CBLB: variants seen among roughly 807,000 people sequenced by gnomAD.
CBLB encodes Cbl proto-oncogene B, also known as E3 ubiquitin-protein ligase CBL-B.
A neutral mutation model predicts 104.9 loss-of-function variants in CBLB; 31 were observed. The ratio of observed to expected loss-of-function variants is 0.30; its 90% CI spans 0.22 to 0.40. CBLB has a LOEUF of 0.40. Ranked by LOEUF, CBLB falls within the 10% of genes least tolerant of loss-of-function variation. CBLB has a pLI of 1.00. For missense variants in CBLB, 1,062 were observed against 1,214.6 expected (o/e 0.87, Z 1.87); for synonymous variants, 440 against 422.6 (o/e 1.04, Z -0.51).
chr3:105,868,640 C>A, intron 1 of CBLB, 96 bp downstream of exon 1: 1 of 807,214 alleles, frequency 1.2e-6, no homozygotes, highest in South Asian at 5.7e-5. Flanking sequence ...AGAGCCAGGG[C>A]TGTCCCCTCT....
Position 105,702,311 on chromosome 3 carries a change from A to T in CBLB, c.1742T>A (p.Val581Glu). 6.2e-7 allele frequency: 1 copy of T among 1,613,790 alleles called. No homozygotes were observed. The highest frequency in any genetic ancestry group is 1.1e-5 in the South Asian group (1 of 91,048). The change falls in exon 12 of 19, where the codon GTG (valine) becomes GAG (glutamate). Residue 581 changes from valine (V) to glutamate (E), a missense_variant. Transcript: ENST00000394030. ...AGGCATTGGCGGGTCTCTGGAAGGC[A>T]CGCTTTCCACATGATGGATGTGTCT... The part of the protein sequence containing the change: ...LSRHIHHVES[V>E]PSRDPPMPLE...
intron 17 of CBLB, among the ~76,000 whole-genome samples, chr3:105,675,975 CA>C (rs1327203898): frequency 8.4e-6 from 1 of 118,510 alleles, no homozygotes; most frequent in Non-Finnish European, 1.8e-5. Flanking sequence ...GAAAAGGAAA[CA>C]AAAAAGTTGC....
chr3:105,812,896 G>A (rs1014886288), intron 3 of CBLB, among the ~76,000 whole-genome samples: 6 of 151,932 alleles, frequency 3.9e-5, no homozygotes, highest in African/African-American at 7.3e-5. Flanking sequence ...ATCTTAGGCC[G>A]TTACTTAAAC....
chr3:105,782,542 G>C (rs1195006633), intron 3 of CBLB, among the ~76,000 whole-genome samples: 4 of 151,176 alleles, frequency 2.6e-5, no homozygotes, highest in African/African-American at 9.7e-5. Flanking sequence ...GTAACTTTGG[G>C]CATTCTTTGA....
chr3:105,800,569 C>T (rs2153015208), intron 3 of CBLB, among the ~76,000 whole-genome samples: 1 of 152,246 alleles, frequency 6.6e-6, no homozygotes, highest in Non-Finnish European at 1.5e-5. Flanking sequence ...TTTGACAGAA[C>T]AACTAGCCTT....
intron 10 of CBLB, among the ~76,000 whole-genome samples, chr3:105,708,621 T>C (rs1412595231): frequency 3.3e-5 from 5 of 152,030 alleles, no homozygotes; most frequent in Non-Finnish European, 5.9e-5. Context: ...TATTTAAATT[T>C]CCTATATTCA....
chr3:105,724,003 C>T (rs2152835129), intron 9 of CBLB: 1 of 161,166 alleles, frequency 6.2e-6, no homozygotes, highest in African/African-American at 2.4e-5. Context: ...TTTCCTTTAT[C>T]AATAACTTCT....
intron 12 of CBLB, among the ~76,000 whole-genome samples, chr3:105,696,597 A>C (rs1262609569): frequency 6.6e-6 from 1 of 151,874 alleles, no homozygotes; most frequent in Non-Finnish European, 1.5e-5. Context: ...TCAACTAAGA[A>C]ACATTTTTTT....
intron 4 of CBLB, among the ~76,000 whole-genome samples, chr3:105,756,777 AT>A (rs2077119000): frequency 6.6e-6 from 1 of 152,204 alleles, no homozygotes; most frequent in Admixed American, 6.5e-5. Context: ...ATGTACCCAT[AT>A]ATAAACACTG....
intron 17 of CBLB, 195 bp from the exon 18 acceptor site, chr3:105,670,547 TCA>T: frequency 1.8e-6 from 1 of 563,748 alleles, no homozygotes; most frequent in Non-Finnish European, 3.1e-6. Context: ...AATATGCTCT[TCA>T]CATTTATTTC....
At chr3:105,726,077 G>T (rs936622158) in intron 9 of CBLB, among the ~76,000 whole-genome samples, 1 of 152,140 alleles carries the variant, frequency 6.6e-6, no homozygotes, top group Non-Finnish European at 1.5e-5. Flanking sequence ...TTGAACTGCT[G>T]ACCTCATGTG....
At chr3:105,828,486 C>T (rs1000018822) in intron 3 of CBLB, among the ~76,000 whole-genome samples, 1 of 152,036 alleles carries the variant, frequency 6.6e-6, no homozygotes, top group African/African-American at 2.4e-5. Flanking sequence ...TAATTTTTGT[C>T]TTTTCTTAAA....
intron 3 of CBLB, among the ~76,000 whole-genome samples, chr3:105,848,709 T>C (rs1239625629): frequency 6.6e-6 from 1 of 152,126 alleles, no homozygotes; most frequent in Non-Finnish European, 1.5e-5. Context: ...GAAGTAATAC[T>C]GATTAAGTCA....
chr3:105,707,840 CTTT>C (rs1434090737), intron 10 of CBLB, among the ~76,000 whole-genome samples: 1 of 151,424 alleles, frequency 6.6e-6, no homozygotes, highest in Non-Finnish European at 1.5e-5. Flanking sequence ...AAAGTCTGCT[CTTT>C]TTTATCCTTC....
intron 2 of CBLB, among the ~76,000 whole-genome samples, chr3:105,859,448 G>A (rs143190511): frequency 1.9e-3 from 294 of 152,216 alleles, no homozygotes; most frequent in Middle Eastern, 0.017. Context: ...TCAGGAGATC[G>A]AGAACATCTT....
At position 105,734,063 on chromosome 3, in the gene CBLB, G is replaced by C. The variant is rs146560530; in HGVS notation, c.1149C>G (p.Val383=). The part of the protein sequence containing the change: ...CKICAENDKD[V]KIEPCGHLMC... ...TCAAATGCCCACAAGGCTCAATCTT[G>C]ACATCTTTGTCATTCTCTGCACAAA... is the stretch of plus-strand genomic sequence containing the variant. Residue 383 remains valine (V), a synonymous_variant, in exon 9 of 19, where the codon GTC becomes GTG. Transcript: ENST00000394030. The C allele has an allele frequency of 2.4e-5, 39 of 1,613,920 alleles. No homozygotes were observed. The highest frequency in any genetic ancestry group is 3.3e-5 in the Admixed American group (2 of 60,020).
intron 4 of CBLB, among the ~76,000 whole-genome samples, chr3:105,752,924 T>G (rs1385324523): frequency 6.6e-6 from 1 of 152,220 alleles, no homozygotes; most frequent in Non-Finnish European, 1.5e-5. Flanking sequence ...GAGAGCCTAC[T>G]ATATCTATTC....
rs1402745676 is a variant in CBLB at position 105,701,967 on chromosome 3, G to A, written c.1959+127C>T. 6 of 937,906 alleles carry A rather than the reference G, an allele frequency of 6.4e-6. No individual in the cohort carries two copies. The African/African-American group carries it at 8.2e-5, about 13-fold the overall frequency. The allele number at this position is 937,906 out of a possible 1,614,324, so 58.1% of individuals were successfully genotyped here. ...AGCTTCTGATTATTTATAACTTGGGGATAATTAAAGACTTACAGGGAAGTG... is the reference window on the plus strand; with the variant it reads ...AGCTTCTGATTATTTATAACTTGGGAATAATTAAAGACTTACAGGGAAGTG... On this transcript the variant is annotated intron_variant, in intron 12 of 18. Coordinates refer to ENST00000394030, the MANE Select transcript of CBLB (RefSeq NM_170662.5).
chr3:105,755,236 A>T (rs1163837586), intron 4 of CBLB, among the ~76,000 whole-genome samples: 1 of 151,376 alleles, frequency 6.6e-6, no homozygotes, highest in African/African-American at 2.4e-5. Context: ...TGTCCATGTG[A>T]TCTCATTGTT....
Sources: allele counts gnomAD v4.1 joint callset (sites outside exome capture counted in the v4.1 genomes callset), GRCh38; gene constraint gnomAD v4.1.1; transcripts MANE v1.5; gene names NCBI Gene and HGNC (gene_info 2026-07-23, HGNC 2026-07-21).